The following TTC28 variants were observed in gnomAD, a reference collection of about 807,000 sequenced individuals.
TTC28 encodes the protein tetratricopeptide repeat protein 28.
In TTC28, 61 loss-of-function variants were observed where a neutral mutation model predicts 198.0. The ratio of observed to expected loss-of-function variants is 0.31; its 90% CI spans 0.25 to 0.38. The LOEUF (loss-of-function observed/expected upper bound fraction) is 0.38. Ranked by LOEUF, TTC28 falls within the 10% of genes least tolerant of loss-of-function variation. The pLI, the probability that TTC28 is intolerant of heterozygous loss-of-function variation, is 1.00. For synonymous variants in TTC28, 1,171 were observed against 1,297.8 expected (o/e 0.90, Z 2.10); for missense variants, 2,678 against 3,164.0 (o/e 0.85, Z 3.69).
intron 12 of TTC28, among the ~76,000 whole-genome samples, chr22:28,047,422 GT>G (rs1470850740): frequency 3.3e-5 from 5 of 152,176 alleles, no homozygotes; most frequent in Non-Finnish European, 1.5e-5. Context: ...GTTCTGTCCT[GT>G]AAAGTCACCT....
At chr22:28,082,162 T>C (rs767967838) in intron 12 of TTC28, among the ~76,000 whole-genome samples, 1 of 152,200 alleles carries the variant, frequency 6.6e-6, no homozygotes, top group Non-Finnish European at 1.5e-5. Flanking sequence ...GGTAGAATCT[T>C]TCAAGTTTTC....
chr22:28,462,468 A>G lies in TTC28; in HGVS notation c.382-155825T>C, dbSNP rs368224044. Among the ~76,000 whole-genome samples, 28 of 152,342 alleles carry G rather than the reference A, an allele frequency of 1.8e-4. 1 individual carries two copies. The East Asian group carries it at 4.6e-3, about 25-fold the overall frequency. ...TGAATAAGTAATGTGAGTGAGAACT[A>G]AACCTTTGTTCATTGAGATTTGGGG... On this transcript the variant is annotated intron_variant, in intron 2 of 22. Coordinates refer to ENST00000397906, the MANE Select transcript of TTC28 (RefSeq NM_001145418.2).
At chr22:28,286,894 C>G (rs867541989) in intron 5 of TTC28, among the ~76,000 whole-genome samples, 2 of 152,038 alleles carry the variant, frequency 1.3e-5, no homozygotes, top group Admixed American at 6.6e-5. Flanking sequence ...AGAAATTCTA[C>G]AAGACCTAAA....
intron 1 of TTC28, among the ~76,000 whole-genome samples, chr22:28,660,492 AT>A (rs1449349904): frequency 1.3e-5 from 2 of 151,782 alleles, no homozygotes; most frequent in Non-Finnish European, 2.9e-5. Flanking sequence ...CACCCGGCTA[AT>A]TTTTTGTTTT....
chr22:28,604,278 A>C (rs1444805964), intron 2 of TTC28, among the ~76,000 whole-genome samples: 1 of 105,594 alleles, frequency 9.5e-6, no homozygotes, highest in Non-Finnish European at 1.9e-5. Context: ...ACTCAGTCTT[A>C]AACAGAAAAA....
intron 2 of TTC28, among the ~76,000 whole-genome samples, chr22:28,423,292 A>G (rs1477777754): frequency 1.3e-5 from 2 of 152,182 alleles, no homozygotes; most frequent in South Asian, 2.1e-4. Flanking sequence ...CAGGAGGCTG[A>G]GGCAGGAGGA....
At chr22:28,194,964 C>T (rs1175653805) in intron 5 of TTC28, among the ~76,000 whole-genome samples, 1 of 18,516 alleles carries the variant, frequency 5.4e-5, no homozygotes, top group Non-Finnish European at 1.0e-4. Context: ...GATACCAAAG[C>T]CTGGGAGAGA....
At chr22:27,987,431 C>T (rs1175560337) in intron 21 of TTC28, among the ~76,000 whole-genome samples, 1 of 152,226 alleles carries the variant, frequency 6.6e-6, no homozygotes, top group Non-Finnish European at 1.5e-5. Context: ...AGAGCTTTTC[C>T]TTTATAAAGC....
At chr22:28,149,031 T>C (rs959535065) in intron 6 of TTC28, among the ~76,000 whole-genome samples, 2 of 152,190 alleles carry the variant, frequency 1.3e-5, no homozygotes, top group Non-Finnish European at 2.9e-5. Context: ...GAGAAACGTG[T>C]TGTTAGGTGA....
chr22:28,338,478 A>G (rs1043115191), intron 2 of TTC28, among the ~76,000 whole-genome samples: 2 of 136,320 alleles, frequency 1.5e-5, no homozygotes, highest in Admixed American at 1.8e-4. Context: ...AGGTACACCA[A>G]TCAGACGTAG....
At chr22:28,305,999 A>G (rs2045137185) in intron 3 of TTC28, among the ~76,000 whole-genome samples, 1 of 152,138 alleles carries the variant, frequency 6.6e-6, no homozygotes, top group Non-Finnish European at 1.5e-5. Context: ...TAATCTTTTA[A>G]TGCTCCTCTG....
intron 1 of TTC28, among the ~76,000 whole-genome samples, chr22:28,661,116 C>T (rs1026657023): frequency 6.6e-6 from 1 of 151,746 alleles, no homozygotes; most frequent in African/African-American, 2.4e-5. Context: ...GAAACCCCGT[C>T]TCTACTAAAA....
chr22:28,425,984 A>G (rs528448034), intron 2 of TTC28, among the ~76,000 whole-genome samples: 170 of 152,210 alleles, frequency 1.1e-3, no homozygotes, highest in African/African-American at 3.8e-3. Context: ...GTTGAGGCAG[A>G]TGGATCACTT....
chr22:28,633,242 T>G (rs901092052), intron 1 of TTC28, among the ~76,000 whole-genome samples: 10 of 146,902 alleles, frequency 6.8e-5, no homozygotes, highest in Non-Finnish European at 1.3e-4. Flanking sequence ...ATTGCACCAT[T>G]GCACTCCAGT....
chr22:28,330,564 C>T (rs1220701046), intron 2 of TTC28, among the ~76,000 whole-genome samples: 2 of 152,218 alleles, frequency 1.3e-5, no homozygotes, highest in East Asian at 3.9e-4. Flanking sequence ...TTCTATAAAA[C>T]GTAAATTAAA....
chr22:28,107,064 G>A lies in TTC28; in HGVS notation c.2781C>T (p.His927=). Residue 927 remains histidine (H), a splice_region_variant and synonymous_variant, in exon 7 of 23, where the codon CAC becomes CAT. Transcript: ENST00000397906. The part of the protein sequence containing the change: ...AKAYRGLGNG[H]RAMGSLQQAL... ...CAATTGTCCTTGGTCATTTTTACCT[G>A]TGTCCATTTCCCAGGCCCCGGTAAG... The A allele has an allele frequency of 1.3e-6, 2 of 1,545,382 alleles. No individual in the cohort carries two copies. The highest frequency in any genetic ancestry group is 1.8e-6 in the Non-Finnish European group (2 of 1,142,684).
chr22:28,608,080 C>G (rs2050762633), intron 2 of TTC28, among the ~76,000 whole-genome samples: 1 of 152,122 alleles, frequency 6.6e-6, no homozygotes, highest in Non-Finnish European at 1.5e-5. Flanking sequence ...GGAAATTAAC[C>G]AACAAACTGT....
chr22:28,023,974 C>T (rs1938717223), intron 13 of TTC28, among the ~76,000 whole-genome samples: 1 of 152,190 alleles, frequency 6.6e-6, no homozygotes, highest in Non-Finnish European at 1.5e-5. Context: ...AAGTAATCAG[C>T]AGACGCGCAC....
At chr22:28,588,663 T>C (rs142248280) in intron 2 of TTC28, among the ~76,000 whole-genome samples, 189 of 152,340 alleles carry the variant, frequency 1.2e-3, no homozygotes, top group Non-Finnish European at 2.1e-3. Flanking sequence ...TCAGGTTCAA[T>C]GGCATACAAT....
Sources: gnomAD v4.1 joint callset for allele counts (sites outside exome capture counted in the v4.1 genomes callset) on GRCh38, gnomAD v4.1.1 for gene constraint, MANE v1.5 for transcripts, NCBI Gene and HGNC (gene_info 2026-07-23, HGNC 2026-07-21) for gene names.